The following ARID4A variants were observed in gnomAD, a reference collection of about 807,000 sequenced individuals.
ARID4A encodes AT-rich interaction domain 4A.
Under a neutral mutation model 148.6 loss-of-function variants are expected in ARID4A, and 39 were observed. The ratio of observed to expected loss-of-function variants is 0.26; its 90% CI spans 0.20 to 0.34. The LOEUF (loss-of-function observed/expected upper bound fraction) is 0.34, where lower values mean the gene tolerates loss of function less well. Ranked by LOEUF, ARID4A falls within the 10% of genes least tolerant of loss-of-function variation. ARID4A has a pLI of 1.00. For synonymous variants in ARID4A, 475 were observed against 481.2 expected (o/e 0.99, Z 0.17); for missense variants, 1,265 against 1,449.1 (o/e 0.87, Z 2.06).
Position 58,346,476 on chromosome 14 carries a change from C to G in ARID4A, c.1045C>G (p.Leu349Val). Residue 349 changes from leucine (L) to valine (V), a missense_variant, in exon 13 of 24, where the codon CTG becomes GTG. Leu to Val is a conservative substitution (Grantham distance 32, BLOSUM62 1). Around this residue, in one of 9 missense-constraint regions of ARID4A, gnomAD observed 249 missense variants for 277.2 expected, o/e 0.90. Transcript: ENST00000355431. ...TCTCAATCTCTTCAAACTCTTCAGACTGGTTTATCATCAGGGTGGATGTGA... is the reference window on the plus strand; with the variant it reads ...TCTCAATCTCTTCAAACTCTTCAGAGTGGTTTATCATCAGGGTGGATGTGA... ...KDLNLFKLFR[L>V]VYHQGGCDNI... 1 of 1,610,326 alleles carries G rather than the reference C, an allele frequency of 6.2e-7. No individual in the cohort carries two copies. The highest frequency in any genetic ancestry group is 2.2e-5 in the East Asian group (1 of 44,508).
intron 11 of ARID4A, among the ~76,000 whole-genome samples, chr14:58,340,977 G>A (rs1440631224): frequency 2.0e-5 from 3 of 152,128 alleles, no homozygotes; most frequent in African/African-American, 4.8e-5. Context: ...GTCATTAGTC[G>A]TAAAATTGTG....
At chr14:58,319,153 G>A (rs2032674092) in intron 7 of ARID4A, among the ~76,000 whole-genome samples, 2 of 152,214 alleles carry the variant, frequency 1.3e-5, no homozygotes, top group South Asian at 4.1e-4. Flanking sequence ...TCCGCCTCCT[G>A]GGTTCAAGCA....
intron 19 of ARID4A, among the ~76,000 whole-genome samples, chr14:58,362,117 C>CTT (rs2035158521): frequency 6.6e-6 from 1 of 152,114 alleles, no homozygotes; most frequent in Admixed American, 6.5e-5. Flanking sequence ...CCAGTGTATC[C>CTT]TATAAATTCA....
chr14:58,304,974 T>A lies in ARID4A; in HGVS notation c.148T>A (p.Leu50Met), dbSNP rs765423964. The A allele has an allele frequency of 1.2e-6, 2 of 1,608,176 alleles. No individual in the cohort carries two copies. Among genetic ancestry groups the A allele is most frequent in the Non-Finnish European group, 1.7e-6 (2 of 1,178,002 alleles). The change falls in exon 4 of 24, where the codon TTG becomes ATG. Residue 50 changes from leucine (L) to methionine (M), a missense_variant. By Grantham distance (15) the Leu-to-Met change is conservative. Coordinates refer to ENST00000355431, the MANE Select transcript of ARID4A (RefSeq NM_002892.4). ...CCTGAAACAGGATAATACCACACAA[T>A]TGGTACAAGATGACCAAGTAAAGGG... ...VLLKQDNTTQ[L>M]VQDDQVKGPL...
chr14:58,310,511 A>G (rs557150398), intron 5 of ARID4A, among the ~76,000 whole-genome samples: 8 of 152,188 alleles, frequency 5.3e-5, no homozygotes, highest in African/African-American at 1.2e-4. Flanking sequence ...CCAGGAGCAC[A>G]TACTGGGGAA....
chr14:58,329,422 A>G (rs1356664109), intron 9 of ARID4A, 106 bp from the exon 10 acceptor site: 6 of 730,716 alleles, frequency 8.2e-6, no homozygotes, highest in African/African-American at 1.8e-5. Context: ...TTTATAGACA[A>G]TATTTTGATT....
intron 19 of ARID4A, among the ~76,000 whole-genome samples, chr14:58,361,774 T>C (rs2035143758): frequency 6.6e-6 from 1 of 152,162 alleles, no homozygotes; most frequent in Admixed American, 6.5e-5. Context: ...TTGGATGCAA[T>C]GTGTCCCATG....
At chr14:58,304,264 CTA>C (rs1173832690) in intron 3 of ARID4A, among the ~76,000 whole-genome samples, 2 of 152,040 alleles carry the variant, frequency 1.3e-5, no homozygotes, top group African/African-American at 2.4e-5. Flanking sequence ...TTTGATTACT[CTA>C]TATTTATTTG....
chr14:58,305,049 G>T (rs761851465), intron 4 of ARID4A, 40 bp downstream of exon 4: 4 of 1,470,594 alleles, frequency 2.7e-6, no homozygotes, highest in South Asian at 2.6e-5. Context: ...AATAATCATA[G>T]ATTTATACCA....
chr14:58,328,690 C>T (rs1374802556), intron 9 of ARID4A, among the ~76,000 whole-genome samples: 1 of 151,920 alleles, frequency 6.6e-6, no homozygotes, highest in East Asian at 1.9e-4. Context: ...TGACTTTTTT[C>T]ATGATTACAA....
At chr14:58,363,705 AG>A (rs1227626176) in intron 19 of ARID4A, among the ~76,000 whole-genome samples, 1 of 152,006 alleles carries the variant, frequency 6.6e-6, no homozygotes, top group East Asian at 1.9e-4. Context: ...CAAAAAAAAA[AG>A]AAAAGAAAAG....
intron 23 of ARID4A, among the ~76,000 whole-genome samples, chr14:58,371,587 A>C (rs1380073090): frequency 6.6e-6 from 1 of 152,130 alleles, no homozygotes; most frequent in East Asian, 1.9e-4. Context: ...CTTGTTTCTG[A>C]TTGAGCCAAG....
chr14:58,330,000 T>C lies in ARID4A; in HGVS notation c.740-3T>C. On this transcript the variant is annotated splice_polypyrimidine_tract_variant and splice_region_variant and intron_variant, in intron 10 of 23. Transcript: ENST00000355431. ...AACTGCTGAAGTACATTTTCACTCTTAGGGCTTCAGAAAGCAAGCATCTTC... is the reference window on the plus strand; with the variant it reads ...AACTGCTGAAGTACATTTTCACTCTCAGGGCTTCAGAAAGCAAGCATCTTC... The C allele has an allele frequency of 6.2e-7, 1 of 1,608,160 alleles. No individual in the cohort carries two copies. The highest frequency in any genetic ancestry group is 8.5e-7 in the Non-Finnish European group (1 of 1,178,502).
At chr14:58,349,630 C>G (rs1361715515) in intron 15 of ARID4A, among the ~76,000 whole-genome samples, 3 of 152,112 alleles carry the variant, frequency 2.0e-5, no homozygotes, top group African/African-American at 7.2e-5. Context: ...AGGAGAAGTG[C>G]TTGAACCCAG....
At chr14:58,306,240 C>CCTG in intron 5 of ARID4A, 128 bp downstream of exon 5, 1 of 639,768 alleles carries the variant, frequency 1.6e-6, no homozygotes. Context: ...CTGGATATAG[C>CCTG]TGACTAAAAT....
At chr14:58,354,400 A>G (rs1453137667) in intron 17 of ARID4A, among the ~76,000 whole-genome samples, 1 of 152,198 alleles carries the variant, frequency 6.6e-6, no homozygotes, top group Non-Finnish European at 1.5e-5. Flanking sequence ...GGTTTAAGAA[A>G]GGCAGGGCAT....
chr14:58,346,541 TGTG>T lies in ARID4A; in HGVS notation c.1074+39_1074+41del, dbSNP rs781686751. On this transcript the variant is annotated intron_variant, in intron 13 of 23. Transcript: ENST00000355431. ...CATTGCTTTTTGAAACATGTATTGA[TGTG>T]GTAAAAAGTTAAGTTATCTTATATT... is the stretch of plus-strand genomic sequence containing the variant. 9.6e-6 allele frequency: 14 copies of T among 1,452,234 alleles called. 1 individual carries two copies. Among genetic ancestry groups the T allele is most frequent in the East Asian group, 6.9e-5 (3 of 43,236 alleles). The allele number at this position is 1,452,234 out of a possible 1,614,324, so 90.0% of individuals were successfully genotyped here.
chr14:58,314,795 C>G (rs961067472), intron 5 of ARID4A, among the ~76,000 whole-genome samples: 1 of 151,966 alleles, frequency 6.6e-6, no homozygotes, highest in African/African-American at 2.4e-5. Flanking sequence ...TATAAAGTAC[C>G]CAACATACAT....
Position 58,372,155 on chromosome 14 carries a change from G to C in ARID4A, c.*166G>C. The C allele has an allele frequency of 1.9e-6, 1 of 523,158 alleles. No homozygotes were observed. Among genetic ancestry groups the C allele is most frequent in the Non-Finnish European group, 3.4e-6 (1 of 297,614 alleles). The allele number at this position is 523,158 out of a possible 1,614,324, so 32.4% of individuals were successfully genotyped here. On this transcript the variant is annotated 3_prime_UTR_variant, in exon 24 of 24. Coordinates refer to ENST00000355431, the MANE Select transcript of ARID4A (RefSeq NM_002892.4). Reference sequence around the variant, plus strand: ...ATTCCCCTCTCTCTTCTTTTTTCTTGTTGCAAAAAATAAGCTGATTAATAA... The same window carrying C: ...ATTCCCCTCTCTCTTCTTTTTTCTTCTTGCAAAAAATAAGCTGATTAATAA...
Sources: allele counts gnomAD v4.1 joint callset (sites outside exome capture counted in the v4.1 genomes callset), GRCh38; gene constraint gnomAD v4.1.1; regional missense constraint gnomAD v4.1.1; transcripts MANE v1.5; gene names NCBI Gene and HGNC (gene_info 2026-07-23, HGNC 2026-07-21).